GRB2: variants seen among roughly 807,000 people sequenced by gnomAD.
GRB2 encodes growth factor receptor bound protein 2, also known as growth factor receptor-bound protein 2.
In GRB2, 2 loss-of-function variants were observed where a neutral mutation model predicts 27.4. The observed-to-expected ratio is 0.07, with a 90% CI of 0.03 to 0.23. The LOEUF is 0.23. Ranked by LOEUF, GRB2 falls within the 10% of genes least tolerant of loss-of-function variation. GRB2 has a pLI of 1.00. For synonymous variants in GRB2, 94 were observed against 99.6 expected, an observed-to-expected ratio of 0.94 and a Z score of 0.33; for missense variants, 102 against 282.4, an observed-to-expected ratio of 0.36 and a Z score of 4.58.
intron 2 of GRB2, among the ~76,000 whole-genome samples, chr17:75,344,606 G>A (rs1015327330): frequency 2.0e-4 from 31 of 151,864 alleles, no homozygotes; most frequent in African/African-American, 5.6e-4. Context: ...TGGCCAGGCT[G>A]GTGTTGAACT....
chr17:75,321,869 A>C (rs776747608), intron 4 of GRB2, 42 bp from the exon 5 acceptor site: 7 of 1,599,948 alleles, frequency 4.4e-6, no homozygotes, highest in Non-Finnish European at 6.0e-6. Flanking sequence ...TAAAGGCTCT[A>C]ACTTGGCAAA....
intron 1 of GRB2, among the ~76,000 whole-genome samples, chr17:75,403,345 T>A (rs1473550862): frequency 6.6e-6 from 1 of 152,036 alleles, no homozygotes; most frequent in African/African-American, 2.4e-5. Context: ...AGAACTCTGA[T>A]GGACAACATG....
chr17:75,338,357 G>A (rs1030768849), intron 2 of GRB2, among the ~76,000 whole-genome samples: 3 of 152,172 alleles, frequency 2.0e-5, no homozygotes, highest in Non-Finnish European at 2.9e-5. Flanking sequence ...GAGCCACCGT[G>A]CCCGGCCACA....
intron 4 of GRB2, among the ~76,000 whole-genome samples, chr17:75,322,729 G>C (rs1410172776): frequency 6.6e-6 from 1 of 152,088 alleles, no homozygotes; most frequent in Non-Finnish European, 1.5e-5. Context: ...AGCGTGGCTG[G>C]CTGGTACTAG....
intron 1 of GRB2, among the ~76,000 whole-genome samples, chr17:75,402,382 G>A (rs896069820): frequency 5.9e-5 from 9 of 152,108 alleles, no homozygotes; most frequent in South Asian, 2.1e-4. Flanking sequence ...CCACATCACA[G>A]TATTAAGAAT....
chr17:75,330,757 T>C (rs1476464337), intron 3 of GRB2, among the ~76,000 whole-genome samples: 1 of 150,968 alleles, frequency 6.6e-6, no homozygotes, highest in African/African-American at 2.4e-5. Flanking sequence ...GGGCGAGAGC[T>C]AAGGGGGTGA....
At chr17:75,361,324 T>C (rs1472064951) in intron 2 of GRB2, among the ~76,000 whole-genome samples, 8 of 152,124 alleles carry the variant, frequency 5.3e-5, no homozygotes, top group Non-Finnish European at 2.9e-5. Flanking sequence ...CAAACTAAAC[T>C]ACAGAGTGGC....
At chr17:75,343,973 A>G (rs2078638622) in intron 2 of GRB2, among the ~76,000 whole-genome samples, 1 of 152,206 alleles carries the variant, frequency 6.6e-6, no homozygotes, top group Admixed American at 6.5e-5. Context: ...AGGTGAACTG[A>G]GGATAAAATG....
At chr17:75,368,578 C>A (rs2078836038) in intron 2 of GRB2, among the ~76,000 whole-genome samples, 1 of 149,986 alleles carries the variant, frequency 6.7e-6, no homozygotes, top group Non-Finnish European at 1.5e-5. Context: ...CTCTGTTACT[C>A]AGGCTGGAGT....
chr17:75,349,621 G>A (rs1303946300), intron 2 of GRB2, among the ~76,000 whole-genome samples: 1 of 148,934 alleles, frequency 6.7e-6, no homozygotes, highest in Non-Finnish European at 1.5e-5. Flanking sequence ...CTGGGTTCAA[G>A]TGATTCTCCT....
intron 2 of GRB2, among the ~76,000 whole-genome samples, chr17:75,364,127 A>C (rs2078804330): frequency 6.6e-6 from 1 of 152,160 alleles, no homozygotes; most frequent in African/African-American, 2.4e-5. Context: ...AGTATGTTCC[A>C]AAAAATATTC....
chr17:75,321,078 G>A (rs1269284710), intron 5 of GRB2, among the ~76,000 whole-genome samples: 1 of 151,762 alleles, frequency 6.6e-6, no homozygotes, highest in African/African-American at 2.4e-5. Context: ...CTTTGGGTGG[G>A]TGTGTTAAAG....
At chr17:75,372,283 C>A (rs2078861587) in intron 2 of GRB2, 3 of 152,222 alleles carry the variant, frequency 2.0e-5, no homozygotes, top group African/African-American at 4.8e-5. Flanking sequence ...TGCCTCTGCA[C>A]AGGCTGGAGG....
chr17:75,382,311 G>T (rs1229021333), intron 2 of GRB2, among the ~76,000 whole-genome samples: 3 of 151,752 alleles, frequency 2.0e-5, no homozygotes, highest in African/African-American at 7.3e-5. Flanking sequence ...GAATAAATTA[G>T]TTGAAAATAA....
At chr17:75,393,510 G>A (rs1464530562) in intron 2 of GRB2, 41 bp downstream of exon 2, 3 of 1,496,468 alleles carry the variant, frequency 2.0e-6, no homozygotes, top group Non-Finnish European at 2.8e-6. Context: ...GGTGAGCACA[G>A]GGAGAGCGAT....
intron 1 of GRB2, chr17:75,394,345 T>C (rs2079017525): frequency 6.6e-6 from 1 of 152,230 alleles, no homozygotes; most frequent in Non-Finnish European, 1.5e-5. Flanking sequence ...AGAAAGTAAA[T>C]GTAGGAACTG....
chr17:75,320,161 C>T lies in GRB2; in HGVS notation c.*207G>A. ...GTGAAAATTTGTAATAAAAACTCTT[C>T]TTAATTTATAGGTAAGTTTTGGCAT... On this transcript the variant is annotated 3_prime_UTR_variant, in exon 6 of 6. Transcript: ENST00000316804. The surrounding 1 kb of genome is among the most constrained non-coding windows in gnomAD (Gnocchi z 4.3). 1 of 509,230 alleles carries T rather than the reference C, an allele frequency of 2.0e-6. No homozygotes were observed. Among genetic ancestry groups the T allele is most frequent in the Non-Finnish European group, 3.6e-6 (1 of 280,974 alleles). The allele number at this position is 509,230 out of a possible 1,614,324, so 31.5% of individuals were successfully genotyped here. A position where few individuals can be genotyped will look rare whatever the true frequency, so the allele number is the denominator to read the frequency against.
chr17:75,372,993 C>A (rs1375988249), intron 2 of GRB2: 1 of 152,226 alleles, frequency 6.6e-6, no homozygotes, highest in Admixed American at 6.5e-5. Context: ...GTAATCCCAG[C>A]ACTTTGGGAG....
At chr17:75,349,212 T>A (rs556627148) in intron 2 of GRB2, among the ~76,000 whole-genome samples, 17 of 152,352 alleles carry the variant, frequency 1.1e-4, no homozygotes, top group African/African-American at 3.8e-4. Context: ...TCTGCCAGAC[T>A]ACACATTGCT....
Sources: allele counts gnomAD v4.1 joint callset (sites outside exome capture counted in the v4.1 genomes callset), GRCh38; gene constraint gnomAD v4.1.1; non-coding constraint Gnocchi (gnomAD v3.1); transcripts MANE v1.5; gene names NCBI Gene and HGNC (gene_info 2026-07-23, HGNC 2026-07-21).